The following NFAT5 variants were observed in gnomAD, a reference collection of about 807,000 sequenced individuals.
NFAT5 encodes the protein nuclear factor of activated T-cells 5.
A neutral mutation model predicts 166.5 loss-of-function variants in NFAT5; 31 were observed. That is an observed-to-expected ratio of 0.19 (90% CI 0.14 to 0.25). The LOEUF (loss-of-function observed/expected upper bound fraction) is 0.25. Among genes scored for constraint, NFAT5 ranks in the 10% least tolerant of loss-of-function variants. NFAT5 has a pLI of 1.00. For missense variants in NFAT5, 1,449 were observed against 1,821.8 expected (o/e 0.80, Z 3.72); for synonymous variants, 612 against 639.7 (o/e 0.96, Z 0.65).
At chr16:69,633,762 T>C (rs964747072) in intron 3 of NFAT5, among the ~76,000 whole-genome samples, 2 of 152,168 alleles carry the variant, frequency 1.3e-5, no homozygotes, top group Non-Finnish European at 2.9e-5. Context: ...AGTTCTAGTG[T>C]TCTATACCAC....
chr16:69,593,050 C>T (rs933020590), intron 2 of NFAT5, among the ~76,000 whole-genome samples: 24 of 152,002 alleles, frequency 1.6e-4, no homozygotes, highest in African/African-American at 5.3e-4. Flanking sequence ...AGATTAGTTG[C>T]GTTAGTGTCA....
intron 14 of NFAT5, chr16:69,695,786 C>T (rs2037747263): frequency 6.1e-6 from 1 of 163,274 alleles, no homozygotes; most frequent in African/African-American, 2.4e-5. Context: ...GACATGACAT[C>T]TCAAGTGGAA....
Position 69,670,217 on chromosome 16 carries a change from C to T in NFAT5, c.1505-19C>T. On this transcript the variant is annotated intron_variant, in intron 8 of 14. Coordinates refer to ENST00000349945, the MANE Select transcript of NFAT5 (RefSeq NM_138713.4). ...AAAATAGTTCAAAAATTTAATAAAT[C>T]ACTTTTTATTTCAATCAGATGAAAA... 6.7e-7 allele frequency: 1 copy of T among 1,499,552 alleles called. No homozygotes were observed. The highest frequency in any genetic ancestry group is 8.8e-7 in the Non-Finnish European group (1 of 1,138,232). 92.9% of individuals were successfully genotyped at this position (1,499,552 alleles called of 1,614,324 possible).
intron 2 of NFAT5, among the ~76,000 whole-genome samples, chr16:69,618,012 G>C (rs1361791785): frequency 6.6e-6 from 1 of 151,998 alleles, no homozygotes; most frequent in African/African-American, 2.4e-5. Flanking sequence ...TACAAAATTA[G>C]CTGGGCGTGG....
At chr16:69,596,094 GA>G (rs1383906715) in intron 2 of NFAT5, among the ~76,000 whole-genome samples, 1 of 152,112 alleles carries the variant, frequency 6.6e-6, no homozygotes, top group East Asian at 1.9e-4. Context: ...TGAAACCATG[GA>G]AAGCAAAACC....
At chr16:69,674,780 G>A (rs2036766371) in intron 9 of NFAT5, among the ~76,000 whole-genome samples, 1 of 152,182 alleles carries the variant, frequency 6.6e-6, no homozygotes, top group Non-Finnish European at 1.5e-5. Context: ...TCATAGAAGA[G>A]TGAAAGATAT....
intron 4 of NFAT5, among the ~76,000 whole-genome samples, chr16:69,650,914 A>G (rs2035637343): frequency 6.6e-6 from 1 of 152,262 alleles, no homozygotes; most frequent in African/African-American, 2.4e-5. Flanking sequence ...GAGGAACTGC[A>G]CACTAGTTAG....
intron 4 of NFAT5, chr16:69,649,510 T>G: frequency 2.0e-6 from 2 of 984,448 alleles, no homozygotes; most frequent in Non-Finnish European, 1.2e-6. Context: ...GACTCTTTCA[T>G]GAAATAATTC....
chr16:69,605,027 G>C (rs2033331087), intron 2 of NFAT5, among the ~76,000 whole-genome samples: 1 of 152,166 alleles, frequency 6.6e-6, no homozygotes, highest in South Asian at 2.1e-4. Context: ...AATAGCATAT[G>C]TGTACATGTA....
intron 2 of NFAT5, among the ~76,000 whole-genome samples, chr16:69,588,073 C>T (rs1475983248): frequency 6.6e-6 from 1 of 150,864 alleles, no homozygotes; most frequent in Non-Finnish European, 1.5e-5. Context: ...CTGCCTCAGC[C>T]CCCTGGGTAG....
intron 2 of NFAT5, among the ~76,000 whole-genome samples, chr16:69,613,988 A>T (rs959843527): frequency 2.0e-5 from 3 of 152,262 alleles, no homozygotes; most frequent in African/African-American, 7.2e-5. Context: ...AAGTAATTAT[A>T]TGACCAAGAG....
At chr16:69,615,984 A>AT (rs1328068454) in intron 2 of NFAT5, among the ~76,000 whole-genome samples, 1 of 152,068 alleles carries the variant, frequency 6.6e-6, no homozygotes, top group Non-Finnish European at 1.5e-5. Context: ...TACTAGGTAG[A>AT]TAGCCTCCTA....
chr16:69,570,456 A>G (rs572171974), intron 2 of NFAT5, among the ~76,000 whole-genome samples: 13 of 151,838 alleles, frequency 8.6e-5, no homozygotes, highest in Non-Finnish European at 1.6e-4. Context: ...TGCTTCTTTT[A>G]TCCCTTCTTC....
rs2016065209 is a variant in NFAT5, at chr16:69,566,691, C to T, written c.73+317C>T. Among the ~76,000 whole-genome samples, 1 of 152,072 alleles carries T rather than the reference C, an allele frequency of 6.6e-6. No individual in the cohort carries two copies. The highest frequency in any genetic ancestry group is 2.4e-5 in the African/African-American group (1 of 41,432). On this transcript the variant is annotated intron_variant, in intron 1 of 14. Transcript: ENST00000349945. The surrounding 1 kb of genome is among the most constrained non-coding windows in gnomAD (Gnocchi z 5.7). Reference sequence around the variant, plus strand: ...GGCCCCGCCAGGCTCCGCGAGCCGCCGGCCCCGGCCTCCCGGGCTCGGGGA... The same window carrying T: ...GGCCCCGCCAGGCTCCGCGAGCCGCTGGCCCCGGCCTCCCGGGCTCGGGGA...
chr16:69,689,896 A>G (rs1192825760), intron 11 of NFAT5, among the ~76,000 whole-genome samples: 2 of 152,212 alleles, frequency 1.3e-5, no homozygotes, highest in Non-Finnish European at 2.9e-5. Flanking sequence ...GAAGGGAGCG[A>G]TCCAACTTAT....
In NFAT5 at chr16:69,691,004, A is replaced by T; in HGVS notation, c.1839A>T (p.Pro613=). 1 of 1,609,576 alleles carries T rather than the reference A, an allele frequency of 6.2e-7. No individual in the cohort carries two copies. The highest frequency in any genetic ancestry group is 8.5e-7 in the Non-Finnish European group (1 of 1,178,064). The stretch of plus-strand genomic sequence containing the variant: ...TTATCCCTAATGCCCTGATGACTCC[A>T]CTCATACCAAGCAGTATGATTAAGA... The part of the protein sequence containing the change: ...VNIIPNALMT[P]LIPSSMIKSE... The change falls in exon 12 of 15, where the codon CCA becomes CCT. Residue 613 remains proline, a synonymous_variant. Transcript: ENST00000349945.
At chr16:69,572,498 G>A (rs534906205) in intron 2 of NFAT5, among the ~76,000 whole-genome samples, 28 of 151,996 alleles carry the variant, frequency 1.8e-4, no homozygotes, top group South Asian at 6.2e-4. Flanking sequence ...CGAAGGCTAG[G>A]ATTCCTTTTT....
At chr16:69,674,672 T>G (rs955975382) in intron 9 of NFAT5, among the ~76,000 whole-genome samples, 1 of 152,176 alleles carries the variant, frequency 6.6e-6, no homozygotes, top group African/African-American at 2.4e-5. Context: ...TTGTAATGGG[T>G]CTTTGGTCAA....
At chr16:69,662,393 A>C (rs1340785832) in intron 7 of NFAT5, among the ~76,000 whole-genome samples, 1 of 152,080 alleles carries the variant, frequency 6.6e-6, no homozygotes, top group East Asian at 1.9e-4. Context: ...TGGAATAAAA[A>C]GATATACATT....
Sources: gnomAD v4.1 joint callset for allele counts (sites outside exome capture counted in the v4.1 genomes callset) on GRCh38, gnomAD v4.1.1 for gene constraint, Gnocchi (gnomAD v3.1) non-coding constraint, MANE v1.5 for transcripts, NCBI Gene and HGNC (gene_info 2026-07-23, HGNC 2026-07-21) for gene names.